The following CASKIN1 variants were observed in gnomAD, a reference collection of about 807,000 sequenced individuals.
CASKIN1 encodes CASK interacting protein 1.
A neutral mutation model predicts 117.5 loss-of-function variants in CASKIN1; 42 were observed. That is an observed-to-expected ratio of 0.36 (90% CI 0.28 to 0.46). The LOEUF (loss-of-function observed/expected upper bound fraction) is 0.46. CASKIN1 is among the 20% of genes least tolerant of loss of function. The pLI is 1.00. For missense variants in CASKIN1, 2,083 were observed against 2,077.3 expected (o/e 1.00, Z -0.05); for synonymous variants, 1,148 against 961.7 (o/e 1.19, Z -3.59).
chr16:2,183,337 T>G (rs573421271), intron 16 of CASKIN1, among the ~76,000 whole-genome samples: 1 of 152,134 alleles, frequency 6.6e-6, no homozygotes, highest in African/African-American at 2.4e-5. Flanking sequence ...GGAGGCTTGG[T>G]GGCTGGGGGT....
intron 1 of CASKIN1, among the ~76,000 whole-genome samples, chr16:2,192,302 CAAA>C (rs769383895): frequency 1.6e-5 from 2 of 127,444 alleles, no homozygotes. Context: ...GACCCTGTCT[CAAA>C]AAAAAAAAAA....
Position 2,190,143 on chromosome 16 carries a change from C to T in CASKIN1, c.174G>A (p.Leu58=). Residue 58 remains leucine, a synonymous_variant, in exon 3 of 20, where the codon CTG becomes CTA. Transcript: ENST00000343516. ...GGCTGATCAATTCCGTGTTGCCGTT[C>T]AGGGCCGCATGGTGCAGAGCCGAGA... ...DGFSALHHAA[L]NGNTELISLL... 1 of 1,613,090 alleles carries T rather than the reference C, an allele frequency of 6.2e-7. No homozygotes were observed. The highest frequency in any genetic ancestry group is 8.5e-7 in the Non-Finnish European group (1 of 1,179,942).
chr16:2,181,157 G>C lies in CASKIN1; in HGVS notation c.2211C>G (p.Thr737=). ...YLLDEGPAPG[T]PPREARPGRH... ...GGCCGGGCCGGGCCTCCCTGGGCGG[G>C]GTGCCGGGGGCGGGGCCCTCATCCA... Residue 737 remains threonine, a synonymous_variant, in exon 18 of 20, where the codon ACC becomes ACG. Coordinates refer to ENST00000343516, the MANE Select transcript of CASKIN1 (RefSeq NM_020764.4). 3 of 1,496,530 alleles carry C rather than the reference G, an allele frequency of 2.0e-6. No homozygotes were observed. Among genetic ancestry groups the C allele is most frequent in the Non-Finnish European group, 2.6e-6 (3 of 1,132,910 alleles). 92.7% of individuals were successfully genotyped at this position (1,496,530 alleles called of 1,614,324 possible).
Position 2,178,090 on chromosome 16 carries a change from C to T in CASKIN1, c.*460G>A, listed in dbSNP as rs941573327. 2.0e-6 allele frequency: 1 copy of T among 498,706 alleles called. No homozygotes were observed. The highest frequency in any genetic ancestry group is 2.0e-5 in the African/African-American group (1 of 51,042). The allele number at this position is 498,706 out of a possible 1,614,324, so 30.9% of individuals were successfully genotyped here. A position where few individuals can be genotyped will look rare whatever the true frequency, so the allele number is the denominator to read the frequency against. On this transcript the variant is annotated 3_prime_UTR_variant, in exon 20 of 20. Coordinates refer to ENST00000343516, the MANE Select transcript of CASKIN1 (RefSeq NM_020764.4). Reference sequence around the variant, plus strand: ...TTTTTGTTTCTCTGGGGAAATCCGCCTCAGCTCATTCCCAATAAATTAATA... The same window carrying T: ...TTTTTGTTTCTCTGGGGAAATCCGCTTCAGCTCATTCCCAATAAATTAATA...
chr16:2,190,949 C>T (rs543692518), intron 1 of CASKIN1, among the ~76,000 whole-genome samples: 8 of 152,308 alleles, frequency 5.3e-5, no homozygotes, highest in East Asian at 3.9e-4. Flanking sequence ...CTCACGCGAA[C>T]GGCTGCCTGC....
rs1217106250 is a variant in CASKIN1 at position 2,196,004 on chromosome 16, C to A, written c.94+335G>T. Among the ~76,000 whole-genome samples, 1 of 151,730 alleles carries A rather than the reference C, an allele frequency of 6.6e-6. No individual in the cohort carries two copies. The highest frequency in any genetic ancestry group is 2.4e-5 in the African/African-American group (1 of 41,200). On this transcript the variant is annotated intron_variant, in intron 1 of 19. Transcript: ENST00000343516. The surrounding 1 kb of genome is among the most constrained non-coding windows in gnomAD (Gnocchi z 5.7). ...GGGCATCCGCCTCGCCCTTTGAAGG[C>A]CCCAGCAGAGACCTCCAGCTGTCAG...
In CASKIN1 at chr16:2,181,117, T is replaced by C; in HGVS notation, c.2251A>G (p.Ile751Val). 1 of 1,482,522 alleles carries C rather than the reference T, an allele frequency of 6.7e-7. No individual in the cohort carries two copies. Among genetic ancestry groups the C allele is most frequent in the Non-Finnish European group, 8.9e-7 (1 of 1,125,136 alleles). The allele number at this position is 1,482,522 out of a possible 1,614,324, so 91.8% of individuals were successfully genotyped here. A position where few individuals can be genotyped will look rare whatever the true frequency, so the allele number is the denominator to read the frequency against. ...ACGGGGGGCACGCTGGCCCTCTTGA[T>C]GCTGTGGCCGTGGCGGCCGGGCCGG... ...EARPGRHGHS[I>V]KRASVPPVPG... Residue 751 changes from isoleucine to valine, a missense_variant, in exon 18 of 20, where the codon ATC (isoleucine) becomes GTC (valine). Around this residue, in one of 3 missense-constraint regions of CASKIN1, gnomAD observed 1,818 missense variants for 1,688.9 expected, o/e 1.08. Coordinates refer to ENST00000343516, the MANE Select transcript of CASKIN1 (RefSeq NM_020764.4).
chr16:2,184,986 C>A lies in CASKIN1; in HGVS notation c.1289G>T (p.Gly430Val). ...SQKSVSESGP[G>V]DSPAKPPEGS... ...TTCCGGAGGCTTGGCGGGGCTGTCC[C>A]CCGGGCCGGACTCAGAGACGGACTT... is the stretch of plus-strand genomic sequence containing the variant. Residue 430 changes from glycine (G) to valine (V), a missense_variant, in exon 13 of 20, where the codon GGG (glycine) becomes GTG (valine). Physicochemically the swap from Gly to Val is moderately radical, Grantham distance 109 (BLOSUM62 -3). This residue lies in a region of CASKIN1 where 1,818 missense variants were observed against 1,688.9 expected (regional missense o/e 1.08). Coordinates refer to ENST00000343516, the MANE Select transcript of CASKIN1 (RefSeq NM_020764.4). The A allele has an allele frequency of 1.2e-6, 2 of 1,608,168 alleles. No individual in the cohort carries two copies. Among genetic ancestry groups the A allele is most frequent in the Non-Finnish European group, 8.5e-7 (1 of 1,175,864 alleles).
chr16:2,180,206 C>A lies in CASKIN1; in HGVS notation c.3162G>T (p.Gly1054=), dbSNP rs1187256780. ...LASVKHKEAI[G]PGGEVVNRRR... is the part of the protein sequence containing the mutation. ...GCCGGTTCACCACCTCCCCGCCAGGCCCGATGGCCTCTTTGTGTTTCACTG... is the reference window on the plus strand; with the variant it reads ...GCCGGTTCACCACCTCCCCGCCAGGACCGATGGCCTCTTTGTGTTTCACTG... The change falls in exon 18 of 20, where the codon GGG becomes GGT. Residue 1054 remains glycine, a synonymous_variant. Coordinates refer to ENST00000343516, the MANE Select transcript of CASKIN1 (RefSeq NM_020764.4). The A allele has an allele frequency of 3.2e-6, 5 of 1,550,076 alleles. No individual in the cohort carries two copies. Among genetic ancestry groups the A allele is most frequent in the Middle Eastern group, 2.0e-4 (1 of 4,936 alleles).
rs2093171746 is a variant in CASKIN1, at chr16:2,182,695, G to A, written c.1630-766C>T. The stretch of plus-strand genomic sequence containing the variant: ...TCGCCTCTCCCGTTGGGAGCCCAGA[G>A]CTCAGTGTGAGGCCCAGAGAGTCCG... On this transcript the variant is annotated intron_variant, in intron 16 of 19. Coordinates refer to ENST00000343516, the MANE Select transcript of CASKIN1 (RefSeq NM_020764.4). This position sits in a 1 kb window ranked among gnomAD's most constrained non-coding sequence, Gnocchi z 4.1. Among the ~76,000 whole-genome samples, 1 of 152,242 alleles carries A rather than the reference G, an allele frequency of 6.6e-6. No individual in the cohort carries two copies. Among genetic ancestry groups the A allele is most frequent in the African/African-American group, 2.4e-5 (1 of 41,456 alleles).
At chr16:2,193,312 C>T (rs931567737) in intron 1 of CASKIN1, among the ~76,000 whole-genome samples, 3 of 152,200 alleles carry the variant, frequency 2.0e-5, no homozygotes, top group Non-Finnish European at 4.4e-5. Context: ...CCACCATGCC[C>T]GGCCTGAAAT....
chr16:2,181,056 G>A lies in CASKIN1; in HGVS notation c.2312C>T (p.Thr771Ile). ...GKPRQVLPPG[T>I]SHFTPPQTPT... ...CGTCTGGGGGGGCGTGAAGTGGCTA[G>A]TGCCTGGTGGGAGGACCTGCCGTGG... The change falls in exon 18 of 20, where the codon ACT becomes ATT. Residue 771 changes from threonine to isoleucine, a missense_variant. Physicochemically the swap from Thr to Ile is moderately conservative, Grantham distance 89. Coordinates refer to ENST00000343516, the MANE Select transcript of CASKIN1 (RefSeq NM_020764.4). The A allele has an allele frequency of 6.7e-7, 1 of 1,491,398 alleles. No individual in the cohort carries two copies. Among genetic ancestry groups the A allele is most frequent in the Non-Finnish European group, 8.9e-7 (1 of 1,125,940 alleles). 92.4% of individuals were successfully genotyped at this position (1,491,398 alleles called of 1,614,324 possible).
rs572855009 is a variant in CASKIN1, at chr16:2,181,478, G to A, written c.1890C>T (p.Ala630=). The part of the protein sequence containing the change: ...RKAPQSLEVM[A]IESPPPPEPT... ...GCTCAGGCGGGGGCGGCGACTCGAT[G>A]GCCATCACTTCAAGAGACTGGGGCG... is the stretch of plus-strand genomic sequence containing the variant. The change falls in exon 18 of 20, where the codon GCC becomes GCT. Residue 630 remains alanine (A), a synonymous_variant. Coordinates refer to ENST00000343516, the MANE Select transcript of CASKIN1 (RefSeq NM_020764.4). The A allele has an allele frequency of 7.4e-6, 12 of 1,611,752 alleles. No homozygotes were observed. The highest frequency in any genetic ancestry group is 6.7e-5 in the East Asian group (3 of 44,864).
At chr16:2,194,487 A>G (rs963476018) in intron 1 of CASKIN1, among the ~76,000 whole-genome samples, 1 of 152,162 alleles carries the variant, frequency 6.6e-6, no homozygotes, top group Non-Finnish European at 1.5e-5. Context: ...CCATGGAAGC[A>G]AAGCTCATGG....
At chr16:2,178,873 C>T (rs1269145041) in intron 19 of CASKIN1, 29 bp downstream of exon 19, 1 of 1,387,540 alleles carries the variant, frequency 7.2e-7, no homozygotes, top group South Asian at 1.6e-5. Flanking sequence ...GCCCCGCCCT[C>T]CGCCCGCCAG....
Position 2,178,102 on chromosome 16 carries a change from C to T in CASKIN1, c.*448G>A, listed in dbSNP as rs2141305130. 1 of 504,082 alleles carries T rather than the reference C, an allele frequency of 2.0e-6. No individual in the cohort carries two copies. The highest frequency in any genetic ancestry group is 1.6e-5 in the South Asian group (1 of 62,488). 31.2% of individuals were successfully genotyped at this position (504,082 alleles called of 1,614,324 possible). On this transcript the variant is annotated 3_prime_UTR_variant, in exon 20 of 20. Transcript: ENST00000343516. ...TGGGGAAATCCGCCTCAGCTCATTC[C>T]CAATAAATTAATACTCTTGATAGCT...
At chr16:2,183,479 C>T (rs2093174256) in intron 16 of CASKIN1, among the ~76,000 whole-genome samples, 167 bp downstream of exon 16, 1 of 152,180 alleles carries the variant, frequency 6.6e-6, no homozygotes, top group Non-Finnish European at 1.5e-5. Context: ...GCCCCAGTGA[C>T]AAAACAGGGG....
intron 17 of CASKIN1, 28 bp downstream of exon 17, chr16:2,181,751 AGGGTTGGGCTGG>A: frequency 1.3e-6 from 2 of 1,507,038 alleles, no homozygotes; most frequent in Non-Finnish European, 8.9e-7. Flanking sequence ...GCTTGGGCTG[AGGGTTGGGCTGG>A]GGACGAGGGC....
At position 2,181,611 on chromosome 16, in the gene CASKIN1, G is replaced by C. The variant is rs559388298; in HGVS notation, c.1769-12C>G. ...CTTCTTCTGGTGCCCTGAGTGGGGC[G>C]CAGGGGGCAGGTCAGGTGGACCAGG... On this transcript the variant is annotated splice_polypyrimidine_tract_variant and intron_variant, in intron 17 of 19. Coordinates refer to ENST00000343516, the MANE Select transcript of CASKIN1 (RefSeq NM_020764.4). 2 of 1,546,216 alleles carry C rather than the reference G, an allele frequency of 1.3e-6. No individual in the cohort carries two copies.
Sources: gnomAD v4.1 joint callset for allele counts (sites outside exome capture counted in the v4.1 genomes callset) on GRCh38, gnomAD v4.1.1 for gene constraint, gnomAD v4.1.1 regional missense constraint, Gnocchi (gnomAD v3.1) non-coding constraint, MANE v1.5 for transcripts, NCBI Gene and HGNC (gene_info 2026-07-23, HGNC 2026-07-21) for gene names.